ROR1: variants seen among roughly 807,000 people sequenced by gnomAD.
ROR1 encodes the protein ROR family WNT receptor 1.
In ROR1, 19 loss-of-function variants were observed where a neutral mutation model predicts 78.8. The ratio of observed to expected loss-of-function variants is 0.24; its 90% CI spans 0.17 to 0.35. The LOEUF (loss-of-function observed/expected upper bound fraction) is 0.35. ROR1 is among the 10% of genes least tolerant of loss of function. The pLI is 1.00. For synonymous variants in ROR1, 386 were observed against 433.6 expected (o/e 0.89, Z 1.36); for missense variants, 917 against 1,177.8 (o/e 0.78, Z 3.24).
At chr1:63,924,248 G>A (rs1164547525) in intron 1 of ROR1, among the ~76,000 whole-genome samples, 1 of 152,042 alleles carries the variant, frequency 6.6e-6, no homozygotes, top group Admixed American at 6.6e-5. Flanking sequence ...TCATGTATTT[G>A]TTGACAGTTT....
chr1:64,146,302 C>G (rs1649471921), intron 7 of ROR1, among the ~76,000 whole-genome samples: 1 of 152,100 alleles, frequency 6.6e-6, no homozygotes, highest in South Asian at 2.1e-4. Context: ...ATGGTGAAAC[C>G]CCGTCTCTAC....
intron 1 of ROR1, among the ~76,000 whole-genome samples, chr1:63,997,197 C>G (rs1249517894): frequency 2.0e-5 from 3 of 152,088 alleles, no homozygotes. Flanking sequence ...GATGGCTGCA[C>G]GTTTTTAGGG....
intron 1 of ROR1, among the ~76,000 whole-genome samples, chr1:63,868,057 G>A (rs1645227833): frequency 6.6e-6 from 1 of 152,178 alleles, no homozygotes; most frequent in African/African-American, 2.4e-5. Context: ...AAGCAGCCAT[G>A]GCAGGTCAGG....
At chr1:63,861,422 T>G (rs988006829) in intron 1 of ROR1, among the ~76,000 whole-genome samples, 8 of 152,228 alleles carry the variant, frequency 5.3e-5, no homozygotes, top group Non-Finnish European at 2.9e-5. Context: ...TTCTTTCTCC[T>G]TTTAGGCATT....
intron 4 of ROR1, chr1:64,110,609 A>G (rs183855695): frequency 3.9e-5 from 6 of 152,166 alleles, no homozygotes; most frequent in African/African-American, 9.6e-5. Context: ...TTAGTACTCA[A>G]TATATCACAA....
At chr1:63,927,750 G>T (rs1273934515) in intron 1 of ROR1, among the ~76,000 whole-genome samples, 1 of 152,114 alleles carries the variant, frequency 6.6e-6, no homozygotes, top group Admixed American at 6.5e-5. Context: ...CAGACAACTA[G>T]AGGTGTACCC....
chr1:63,790,356 G>C (rs996224922), intron 1 of ROR1, among the ~76,000 whole-genome samples: 1 of 152,194 alleles, frequency 6.6e-6, no homozygotes, highest in South Asian at 2.1e-4. Flanking sequence ...ACGCGTCTTC[G>C]AACAACTGAA....
chr1:64,008,411 G>A (rs982777566), intron 1 of ROR1, among the ~76,000 whole-genome samples: 1 of 152,136 alleles, frequency 6.6e-6, no homozygotes. Flanking sequence ...TATGAATAGT[G>A]CTGTGATGAA....
intron 4 of ROR1, among the ~76,000 whole-genome samples, chr1:64,133,014 T>G (rs546209988): frequency 5.9e-5 from 9 of 151,988 alleles, no homozygotes; most frequent in African/African-American, 2.2e-4. Context: ...CTGTCAGTGG[T>G]AAGGTGGGCG....
intron 1 of ROR1, among the ~76,000 whole-genome samples, chr1:63,862,586 C>T (rs1191020014): frequency 1.3e-5 from 2 of 151,828 alleles, no homozygotes. Flanking sequence ...TAAAGAAACC[C>T]GAGAGTTAGG....
chr1:64,153,942 C>T (rs1349710000), intron 7 of ROR1, among the ~76,000 whole-genome samples: 2 of 151,922 alleles, frequency 1.3e-5, no homozygotes, highest in African/African-American at 4.8e-5. Flanking sequence ...AAAGATTAGC[C>T]CAATTCTTTT....
intron 1 of ROR1, among the ~76,000 whole-genome samples, chr1:63,881,335 C>T (rs974688187): frequency 1.3e-5 from 2 of 152,016 alleles, no homozygotes; most frequent in Non-Finnish European, 2.9e-5. Flanking sequence ...ATTTTCAACC[C>T]TGGCATTCAG....
Position 64,178,457 on chromosome 1 carries a change from A to T in ROR1, c.2416A>T (p.Ile806Phe). 3.1e-6 allele frequency: 5 copies of T among 1,614,148 alleles called. No homozygotes were observed. Among genetic ancestry groups the T allele is most frequent in the Non-Finnish European group, 4.2e-6 (5 of 1,180,030 alleles). The change falls in exon 9 of 9, where the codon ATT becomes TTT. Residue 806 changes from isoleucine (I) to phenylalanine (F), a missense_variant. Ile to Phe is a conservative substitution (Grantham distance 21). This residue lies in a region of ROR1 where 835 missense variants were observed against 1,069.8 expected (regional missense o/e 0.78). Transcript: ENST00000371079. The surrounding 1 kb of genome is among the most constrained non-coding windows in gnomAD (Gnocchi z 4.3). ...ITPQGQIAGF[I>F]GPPIPQNQRF... ...ACCACAGGGCCAGATTGCTGGTTTC[A>T]TTGGCCCGCCAATACCTCAGAACCA...
At chr1:64,071,575 C>CCACACAGACA (rs1647004193) in intron 4 of ROR1, among the ~76,000 whole-genome samples, 2 of 149,244 alleles carry the variant, frequency 1.3e-5, no homozygotes, top group Non-Finnish European at 3.0e-5. Flanking sequence ...GCCCCACCAC[C>CCACACAGACA]CACACAGACA....
At chr1:63,942,793 A>G (rs554261543) in intron 1 of ROR1, among the ~76,000 whole-genome samples, 74 of 152,300 alleles carry the variant, frequency 4.9e-4, no homozygotes, top group Middle Eastern at 3.4e-3. Context: ...AATCTGCAAA[A>G]TAAATGATAA....
At position 63,970,363 on chromosome 1, in the gene ROR1, A is replaced by C. The variant is rs992531404; in HGVS notation, c.92-38942A>C. On this transcript the variant is annotated intron_variant, in intron 1 of 8. Transcript: ENST00000371079. ...AGTAATATGTAATTGTAGGTACTTA[A>C]TAAATATTGATTAAAAGATAAATTT... Among the ~76,000 whole-genome samples the C allele has an allele frequency of 7.9e-5, 12 of 152,342 alleles. No individual in the cohort carries two copies. The South Asian group carries it at 1.7e-3, about 21-fold the overall frequency.
chr1:63,889,542 A>G (rs855840), intron 1 of ROR1, among the ~76,000 whole-genome samples: 124,694 of 152,136 alleles, frequency 0.82, 53,199 homozygotes, highest in East Asian at 1. Context: ...AGTGCATGCA[A>G]CCCTGGCTTT....
intron 4 of ROR1, among the ~76,000 whole-genome samples, chr1:64,126,297 T>C (rs1200753527): frequency 6.6e-6 from 1 of 152,180 alleles, no homozygotes; most frequent in Non-Finnish European, 1.5e-5. Flanking sequence ...GGCAGTTATA[T>C]AGGGACCTTG....
At chr1:64,155,661 C>A (rs1429075883) in intron 7 of ROR1, among the ~76,000 whole-genome samples, 2 of 152,150 alleles carry the variant, frequency 1.3e-5, no homozygotes, top group Non-Finnish European at 1.5e-5. Context: ...AGAATAGACT[C>A]CTTTGTTTGC....
Sources: gnomAD v4.1 joint callset for allele counts (sites outside exome capture counted in the v4.1 genomes callset) on GRCh38, gnomAD v4.1.1 for gene constraint, gnomAD v4.1.1 regional missense constraint, Gnocchi (gnomAD v3.1) non-coding constraint, MANE v1.5 for transcripts, NCBI Gene and HGNC (gene_info 2026-07-23, HGNC 2026-07-21) for gene names.